NRXN3: variants seen among roughly 807,000 people sequenced by gnomAD.
NRXN3 encodes the protein neurexin III.
NRXN3 carries 32 observed loss-of-function variants against 137.6 expected under a neutral mutation model. That is an observed-to-expected ratio of 0.23 (90% CI 0.18 to 0.31). The LOEUF is 0.31. Among genes scored for constraint, NRXN3 ranks in the 10% least tolerant of loss-of-function variants. The probability of loss-of-function intolerance (pLI) is 1.00; values close to 1 mark genes in which losing one functional copy is unlikely to be tolerated. For missense variants in NRXN3, 1,574 were observed against 2,062.5 expected (o/e 0.76, Z 4.59); for synonymous variants, 798 against 784.5 (o/e 1.02, Z -0.29).
At chr14:78,801,598 G>A (rs574232628) in intron 8 of NRXN3, among the ~76,000 whole-genome samples, 46 of 152,238 alleles carry the variant, frequency 3.0e-4, no homozygotes, top group African/African-American at 1.0e-3. Flanking sequence ...CCCCTCCTTC[G>A]ACACATAGGG....
chr14:79,186,748 G>A (rs1008556435), intron 15 of NRXN3, among the ~76,000 whole-genome samples: 2 of 152,078 alleles, frequency 1.3e-5, no homozygotes, highest in African/African-American at 4.8e-5. Context: ...TGTCTCTTTT[G>A]GCTTTGCACA....
intron 15 of NRXN3, among the ~76,000 whole-genome samples, chr14:79,385,553 T>C (rs1395692062): frequency 6.6e-6 from 1 of 152,158 alleles, no homozygotes; most frequent in African/African-American, 2.4e-5. Flanking sequence ...AATCTCAAGT[T>C]AAATGTAATC....
At chr14:78,846,354 C>T (rs1596447216) in intron 10 of NRXN3, among the ~76,000 whole-genome samples, 3 of 152,150 alleles carry the variant, frequency 2.0e-5, no homozygotes, top group Admixed American at 2.0e-4. Flanking sequence ...TCTTTTATAC[C>T]TGATCAGGTC....
intron 15 of NRXN3, among the ~76,000 whole-genome samples, chr14:79,362,544 A>C (rs568412143): frequency 6.6e-6 from 1 of 152,342 alleles, no homozygotes; most frequent in Admixed American, 6.5e-5. Context: ...GACATAGACA[A>C]TATCAACATG....
chr14:78,845,091 T>C (rs543699624), intron 10 of NRXN3, among the ~76,000 whole-genome samples: 1 of 152,098 alleles, frequency 6.6e-6, no homozygotes, highest in Non-Finnish European at 1.5e-5. Flanking sequence ...TGATCTTCAT[T>C]GGCTAAATTA....
At chr14:78,426,100 TC>T (rs2093655256) in intron 4 of NRXN3, among the ~76,000 whole-genome samples, 1 of 152,134 alleles carries the variant, frequency 6.6e-6, no homozygotes, top group South Asian at 2.1e-4. Flanking sequence ...TGTCTGCTTC[TC>T]CCCATTTCCC....
chr14:78,255,169 G>GAAA (rs35233538), intron 2 of NRXN3, among the ~76,000 whole-genome samples: 29 of 85,768 alleles, frequency 3.4e-4, no homozygotes, highest in Admixed American at 8.1e-4. Context: ...CACAGCAGCA[G>GAAA]AAAAAAAAAA....
chr14:78,852,087 C>G (rs1206067292), intron 10 of NRXN3, among the ~76,000 whole-genome samples: 1 of 152,072 alleles, frequency 6.6e-6, no homozygotes, highest in Non-Finnish European at 1.5e-5. Flanking sequence ...ACTTCATTGC[C>G]TCAGAGAGCA....
intron 14 of NRXN3, among the ~76,000 whole-genome samples, chr14:78,985,403 G>C (rs2099500719): frequency 6.6e-6 from 1 of 152,194 alleles, no homozygotes; most frequent in Admixed American, 6.5e-5. Context: ...GCGTAATAAA[G>C]TGCTAAACTG....
chr14:79,180,247 A>C (rs1279833796), intron 15 of NRXN3, among the ~76,000 whole-genome samples: 7 of 152,178 alleles, frequency 4.6e-5, no homozygotes. Context: ...CAGTTGCCAT[A>C]GCAATGAAAG....
Position 79,234,293 on chromosome 14 carries a change from A to AATATAT in NRXN3, c.3263-232886_3263-232881dup, listed in dbSNP as rs71131687. Among the ~76,000 whole-genome samples, 509 of 56,110 alleles carry AATATAT rather than the reference A, an allele frequency of 9.1e-3. 4 individuals are homozygous for AATATAT. Among genetic ancestry groups the AATATAT allele is most frequent in the East Asian group, 0.014 (20 of 1,416 alleles). 36.8% of individuals were successfully genotyped at this position (56,110 alleles called of 152,430 possible). ...AAATCAGGGAACATATTCAATGGTA[A>AATATAT]ATATATATATATATATATATATATA... On this transcript the variant is annotated intron_variant, in intron 15 of 20. Transcript: ENST00000335750.
At chr14:79,433,641 T>C (rs2095799235) in intron 15 of NRXN3, among the ~76,000 whole-genome samples, 2 of 152,196 alleles carry the variant, frequency 1.3e-5, no homozygotes, top group Non-Finnish European at 2.9e-5. Flanking sequence ...ATCTAATAGA[T>C]GTTAAATTTT....
At chr14:79,325,667 C>A (rs994663794) in intron 15 of NRXN3, among the ~76,000 whole-genome samples, 24 of 152,152 alleles carry the variant, frequency 1.6e-4, no homozygotes, top group African/African-American at 5.6e-4. Context: ...CATGCACATG[C>A]TTTTTCAAGA....
At chr14:79,021,139 CTA>C (rs111470972) in intron 15 of NRXN3, among the ~76,000 whole-genome samples, 3,377 of 152,190 alleles carry the variant, frequency 0.022, 114 homozygotes, top group African/African-American at 0.077. Context: ...CACTTGATAC[CTA>C]TGTTATCATA....
At chr14:78,549,843 C>T (rs555071573) in intron 4 of NRXN3, among the ~76,000 whole-genome samples, 1 of 152,012 alleles carries the variant, frequency 6.6e-6, no homozygotes, top group African/African-American at 2.4e-5. Context: ...TTCCTTGGGT[C>T]CTGGCCTACT....
chr14:78,180,038 G>T (rs1325477685), intron 1 of NRXN3, among the ~76,000 whole-genome samples: 1 of 151,938 alleles, frequency 6.6e-6, no homozygotes, highest in African/African-American at 2.4e-5. Context: ...AGTAGAGACA[G>T]GGGTTCACCA....
intron 16 of NRXN3, among the ~76,000 whole-genome samples, chr14:79,514,744 G>A (rs952335673): frequency 3.9e-5 from 6 of 152,122 alleles, no homozygotes; most frequent in African/African-American, 1.2e-4. Context: ...GGCTATAGGA[G>A]AGTCAGCACA....
intron 4 of NRXN3, among the ~76,000 whole-genome samples, chr14:78,323,637 C>T (rs543316049): frequency 7.9e-5 from 12 of 152,110 alleles, no homozygotes; most frequent in Middle Eastern, 3.4e-3. Context: ...CTGTGACAGG[C>T]AGGAAAAGAC....
intron 10 of NRXN3, among the ~76,000 whole-genome samples, chr14:78,878,190 A>G (rs990516914): frequency 2.6e-5 from 4 of 152,156 alleles, no homozygotes; most frequent in African/African-American, 9.6e-5. Context: ...GTAATTGGGC[A>G]TGTCGTACTC....
Sources: allele counts gnomAD v4.1 joint callset (sites outside exome capture counted in the v4.1 genomes callset), GRCh38; gene constraint gnomAD v4.1.1; transcripts MANE v1.5; gene names NCBI Gene and HGNC (gene_info 2026-07-23, HGNC 2026-07-21).